COL6A2: variants seen among roughly 807,000 people sequenced by gnomAD.
COL6A2 encodes collagen type VI alpha 2 chain.
A neutral mutation model predicts 124.9 loss-of-function variants in COL6A2; 90 were observed. The observed-to-expected ratio is 0.72, with a 90% CI of 0.61 to 0.86. The LOEUF (loss-of-function observed/expected upper bound fraction) is 0.86. Among genes scored for constraint, COL6A2 ranks in the 40% least tolerant of loss-of-function variants. COL6A2 has a pLI of 0.00. For synonymous variants in COL6A2, 793 were observed against 618.2 expected (o/e 1.28, Z -4.19); for missense variants, 1,607 against 1,502.5 (o/e 1.07, Z -1.15).
intron 16 of COL6A2, 140 bp downstream of exon 16, chr21:46,120,717 CCCAGGT>C (rs1171653031): frequency 2.4e-6 from 2 of 829,450 alleles, no homozygotes; most frequent in Non-Finnish European, 1.9e-6. Context: ...GTAAGGGGGG[CCCAGGT>C]GAGGGCTATA....
rs185320261 is a variant in COL6A2, at chr21:46,100,055, G to A, written c.-28+1882G>A. On this transcript the variant is annotated intron_variant, in intron 1 of 27. Transcript: ENST00000300527. ...CATTGCCTGGTTGTGATGTCCCCAT[G>A]TTCCTAATGGATGTTCGCTTTTTGG... Among the ~76,000 whole-genome samples the A allele has an allele frequency of 1.1e-3, 161 of 152,166 alleles. 1 individual carries two copies. Among genetic ancestry groups the A allele is most frequent in the South Asian group, 1.5e-3 (7 of 4,820 alleles).
At chr21:46,105,785 A>C (rs2078329849) in intron 1 of COL6A2, among the ~76,000 whole-genome samples, 1 of 152,238 alleles carries the variant, frequency 6.6e-6, no homozygotes, top group East Asian at 1.9e-4. Flanking sequence ...TTAATTAAAC[A>C]CAAGACAGTG....
chr21:46,125,387 G>A (rs368888444), intron 24 of COL6A2, 76 bp downstream of exon 24: 98 of 1,605,022 alleles, frequency 6.1e-5, no homozygotes, highest in Admixed American at 8.4e-5. Context: ...CTGGGTCATC[G>A]CTGGGTCCTG....
rs139798208 is a variant in COL6A2, at chr21:46,132,225, G to A, written c.2733G>A (p.Leu911=). ...IHEALETTQY[L]NSFSHVGAGV... is the part of the protein sequence containing the mutation. ...AGGCGCTGGAGACCACACAATACCT[G>A]AACTCCTTCTCGCACGTGGGCGCAG... Residue 911 remains leucine, a synonymous_variant, in exon 28 of 28, where the codon CTG becomes CTA. Coordinates refer to ENST00000300527, the MANE Select transcript of COL6A2 (RefSeq NM_001849.4). The A allele has an allele frequency of 5.6e-6, 9 of 1,596,650 alleles. No homozygotes were observed. The highest frequency in any genetic ancestry group is 4.0e-5 in the African/African-American group (3 of 74,480).
intron 27 of COL6A2, chr21:46,129,302 C>T (rs756694629): frequency 1.9e-5 from 30 of 1,612,836 alleles, no homozygotes; most frequent in African/African-American, 6.7e-5. Flanking sequence ...AGTTGCTAAA[C>T]GCCACGGAGC....
intron 1 of COL6A2, among the ~76,000 whole-genome samples, chr21:46,100,691 T>C (rs1168302344): frequency 6.8e-6 from 1 of 148,142 alleles, no homozygotes; most frequent in South Asian, 2.1e-4. Flanking sequence ...CGTGGCTTAA[T>C]GTCCTCCAGA....
At chr21:46,125,058 G>A (rs1039442915) in intron 23 of COL6A2, 138 bp downstream of exon 23, 2 of 1,250,224 alleles carry the variant, frequency 1.6e-6, no homozygotes, top group Admixed American at 1.8e-5. Flanking sequence ...AGGTCAGAGA[G>A]CAAGCTTGGT....
Position 46,129,856 on chromosome 21 carries a change from G to A in COL6A2, c.2462-2098G>A, listed in dbSNP as rs910940796. 8 of 1,053,296 alleles carry A rather than the reference G, an allele frequency of 7.6e-6. No homozygotes were observed. The African/African-American group carries it at 1.0e-4, about 13-fold the overall frequency. 65.2% of individuals were successfully genotyped at this position (1,053,296 alleles called of 1,614,324 possible). On this transcript the variant is annotated intron_variant, in intron 27 of 27. Transcript: ENST00000300527. The stretch of plus-strand genomic sequence containing the variant: ...TCAGGTCACCCTCACAGGCTCCAGG[G>A]TTTGGGTGTGGAAGTCTTTGGAGGC...
chr21:46,109,190 G>C (rs1306990857), intron 1 of COL6A2, among the ~76,000 whole-genome samples: 2 of 152,110 alleles, frequency 1.3e-5, no homozygotes, highest in Non-Finnish European at 2.9e-5. Flanking sequence ...TCAGCAGAGA[G>C]AAAGCCCTGG....
At position 46,122,862 on chromosome 21, in the gene COL6A2, T is replaced by G. The variant is rs1711901621; in HGVS notation, c.1609-13T>G. 1.2e-6 allele frequency: 2 copies of G among 1,611,762 alleles called. No homozygotes were observed. The highest frequency in any genetic ancestry group is 1.7e-6 in the Non-Finnish European group (2 of 1,178,596). On this transcript the variant is annotated splice_polypyrimidine_tract_variant and intron_variant, in intron 20 of 27. Coordinates refer to ENST00000300527, the MANE Select transcript of COL6A2 (RefSeq NM_001849.4). ...CTCCTCTGTCCCAGGCTAACATGTG[T>G]TCCCTGTCACAGGGAGGCCGAGGCG...
At position 46,116,926 on chromosome 21, in the gene COL6A2, TACACACACAC is replaced by T. The variant is rs59060956; in HGVS notation, c.999+133_999+142del. Reference sequence around the variant, plus strand: ...CAGCTTACACATGTGTACACACGCATACACACACACACACACACACACACACACACGAACT... The same window carrying T: ...CAGCTTACACATGTGTACACACGCATACACACACACACACACACACGAACT... On this transcript the variant is annotated intron_variant, in intron 10 of 27. Coordinates refer to ENST00000300527, the MANE Select transcript of COL6A2 (RefSeq NM_001849.4). This position sits in a 1 kb window ranked among gnomAD's most constrained non-coding sequence, Gnocchi z 4.6. The T allele has an allele frequency of 7.6e-4, 487 of 639,332 alleles. 2 individuals are homozygous for T. The highest frequency in any genetic ancestry group is 5.3e-3 in the African/African-American group (289 of 54,568). 39.6% of individuals were successfully genotyped at this position (639,332 alleles called of 1,614,324 possible). A position where few individuals can be genotyped will look rare whatever the true frequency, so the allele number is the denominator to read the frequency against.
chr21:46,132,584 G>A lies in COL6A2; in HGVS notation c.*32G>A, dbSNP rs560039122. 2.9e-5 allele frequency: 45 copies of A among 1,557,286 alleles called. 1 individual carries two copies. The highest frequency in any genetic ancestry group is 2.8e-4 in the South Asian group (24 of 86,764). On this transcript the variant is annotated 3_prime_UTR_variant, in exon 28 of 28. Transcript: ENST00000300527. Reference sequence around the variant, plus strand: ...CGCCCGGGCCCCGCAGTCGAGGGTCGTGAGCCCACCCCGTCCATGGTGCTA... The same window carrying A: ...CGCCCGGGCCCCGCAGTCGAGGGTCATGAGCCCACCCCGTCCATGGTGCTA...
chr21:46,118,354 C>T (rs997279454), intron 12 of COL6A2, among the ~76,000 whole-genome samples: 1 of 152,188 alleles, frequency 6.6e-6, no homozygotes, highest in African/African-American at 2.4e-5. Context: ...ACTTTCTGTC[C>T]ACCTTCCCTC....
intron 27 of COL6A2, among the ~76,000 whole-genome samples, chr21:46,130,545 G>A (rs2078747229): frequency 2.0e-5 from 3 of 148,192 alleles, no homozygotes. Context: ...ATCCTCCACA[G>A]GAGGAGGAGA....
At chr21:46,118,794 G>A (rs552193917) in intron 13 of COL6A2, 118 bp downstream of exon 13, 1 of 1,257,744 alleles carries the variant, frequency 8.0e-7, no homozygotes, top group Non-Finnish European at 1.1e-6. Context: ...ATTGGGCTCT[G>A]GGGACACGGG....
Position 46,116,183 on chromosome 21 carries a change from C to T in COL6A2, c.900+130C>T, listed in dbSNP as rs898194073. ...CAGTTACCAAGGAACAGAAGCACCTCGATAACTTGATGGCCGTCCCAAAAC... is the reference window on the plus strand; with the variant it reads ...CAGTTACCAAGGAACAGAAGCACCTTGATAACTTGATGGCCGTCCCAAAAC... On this transcript the variant is annotated intron_variant, in intron 7 of 27. Coordinates refer to ENST00000300527, the MANE Select transcript of COL6A2 (RefSeq NM_001849.4). This position sits in a 1 kb window ranked among gnomAD's most constrained non-coding sequence, Gnocchi z 4.6. The T allele has an allele frequency of 3.0e-5, 35 of 1,172,216 alleles. No individual in the cohort carries two copies. The highest frequency in any genetic ancestry group is 4.0e-5 in the Non-Finnish European group (32 of 804,902). 72.6% of individuals were successfully genotyped at this position (1,172,216 alleles called of 1,614,324 possible). A position where few individuals can be genotyped will look rare whatever the true frequency, so the allele number is the denominator to read the frequency against.
intron 21 of COL6A2, among the ~76,000 whole-genome samples, chr21:46,123,527 G>A (rs1395082708): frequency 1.3e-5 from 2 of 151,992 alleles, no homozygotes; most frequent in Non-Finnish European, 2.9e-5. Flanking sequence ...GCAAGTGGAT[G>A]GGGGTGGGCA....
chr21:46,116,259 G>A lies in COL6A2; in HGVS notation c.901-118G>A, dbSNP rs764155384. On this transcript the variant is annotated intron_variant, in intron 7 of 27. Transcript: ENST00000300527. This position sits in a 1 kb window ranked among gnomAD's most constrained non-coding sequence, Gnocchi z 4.6. ...CAGCCTCCTCCGCAGACTGTTTGTCGAGAACACTAGATGCCAGCGGCCCAC... is the reference window on the plus strand; with the variant it reads ...CAGCCTCCTCCGCAGACTGTTTGTCAAGAACACTAGATGCCAGCGGCCCAC... 20 of 1,295,972 alleles carry A rather than the reference G, an allele frequency of 1.5e-5. No individual in the cohort carries two copies. The highest frequency in any genetic ancestry group is 1.8e-4 in the Middle Eastern group (1 of 5,528). The allele number at this position is 1,295,972 out of a possible 1,614,324, so 80.3% of individuals were successfully genotyped here. A position where few individuals can be genotyped will look rare whatever the true frequency, so the allele number is the denominator to read the frequency against.
chr21:46,125,736 C>T (rs1453219824), intron 25 of COL6A2, 49 bp from the exon 26 acceptor site: 2 of 1,602,320 alleles, frequency 1.2e-6, no homozygotes, highest in East Asian at 2.2e-5. Context: ...GCTGGGGATG[C>T]CCCAGACCCC....
Sources: allele counts gnomAD v4.1 joint callset (sites outside exome capture counted in the v4.1 genomes callset), GRCh38; gene constraint gnomAD v4.1.1; non-coding constraint Gnocchi (gnomAD v3.1); transcripts MANE v1.5; gene names NCBI Gene and HGNC (gene_info 2026-07-23, HGNC 2026-07-21).